The following TTLL11 variants were observed in gnomAD, a reference collection of about 807,000 sequenced individuals.
The protein encoded by TTLL11 is tubulin polyglutamylase TTLL11.
Under a neutral mutation model 51.7 loss-of-function variants are expected in TTLL11, and 42 were observed. That is an observed-to-expected ratio of 0.81 (90% CI 0.64 to 1.05). The LOEUF (loss-of-function observed/expected upper bound fraction) is 1.05. Ranked by LOEUF, TTLL11 falls within the 50% of genes least tolerant of loss-of-function variation. The probability of loss-of-function intolerance (pLI) is 0.00; values close to 1 mark genes in which losing one functional copy is unlikely to be tolerated. For missense variants in TTLL11, 799 were observed against 940.4 expected (o/e 0.85, Z 1.97); for synonymous variants, 381 against 383.5 (o/e 0.99, Z 0.08).
At chr9:121,866,313 G>C (rs1481834206) in intron 7 of TTLL11, among the ~76,000 whole-genome samples, 1 of 152,174 alleles carries the variant, frequency 6.6e-6, no homozygotes, top group Non-Finnish European at 1.5e-5. Context: ...TAAAGGCAGA[G>C]AATATCATCT....
intron 3 of TTLL11, among the ~76,000 whole-genome samples, chr9:122,015,286 T>C (rs971840975): frequency 2.6e-5 from 4 of 152,078 alleles, no homozygotes; most frequent in Non-Finnish European, 5.9e-5. Context: ...AGTTAACACA[T>C]TGAACTGTTA....
intron 1 of TTLL11, among the ~76,000 whole-genome samples, chr9:122,041,446 T>A (rs76617576): frequency 0.04 from 6,030 of 152,244 alleles, 390 homozygotes; most frequent in African/African-American, 0.14. Context: ...AAGAGAAAGA[T>A]ATAGAAGGTG....
At chr9:121,903,028 C>G (rs539649219) in intron 6 of TTLL11, among the ~76,000 whole-genome samples, 28 of 152,118 alleles carry the variant, frequency 1.8e-4, no homozygotes, top group Non-Finnish European at 3.5e-4. Context: ...ACTACTGTAA[C>G]CACATTTCCT....
At chr9:121,884,018 A>G (rs1333403535) in intron 6 of TTLL11, among the ~76,000 whole-genome samples, 1 of 152,214 alleles carries the variant, frequency 6.6e-6, no homozygotes, top group Non-Finnish European at 1.5e-5. Context: ...TTTAGTGAGC[A>G]CGAAGTGGAA....
At chr9:121,881,973 T>C (rs1401742845) in intron 6 of TTLL11, among the ~76,000 whole-genome samples, 1 of 152,238 alleles carries the variant, frequency 6.6e-6, no homozygotes. Context: ...TCTCTTATCC[T>C]GCTCATGCCT....
chr9:121,988,572 T>C (rs1414074725), intron 4 of TTLL11, among the ~76,000 whole-genome samples: 1 of 152,152 alleles, frequency 6.6e-6, no homozygotes, highest in East Asian at 1.9e-4. Flanking sequence ...TTTCTCCTGC[T>C]TCATCTAACT....
intron 3 of TTLL11, among the ~76,000 whole-genome samples, chr9:121,998,590 C>CT (rs568173749): frequency 1.8e-3 from 264 of 145,380 alleles, no homozygotes; most frequent in Middle Eastern, 0.014. Context: ...CCAGCCTAAA[C>CT]TTTTTTTTTT....
At chr9:121,861,701 A>C (rs1838018809) in intron 7 of TTLL11, among the ~76,000 whole-genome samples, 2 of 152,192 alleles carry the variant, frequency 1.3e-5, no homozygotes, top group East Asian at 3.9e-4. Flanking sequence ...TGTCATGCTC[A>C]GATGACCCAA....
At chr9:121,859,573 C>T (rs960309296) in intron 8 of TTLL11, among the ~76,000 whole-genome samples, 1 of 152,152 alleles carries the variant, frequency 6.6e-6, no homozygotes, top group Non-Finnish European at 1.5e-5. Context: ...GGAAACTCAT[C>T]CACCTAAAGG....
intron 6 of TTLL11, among the ~76,000 whole-genome samples, chr9:121,880,812 C>G (rs917861368): frequency 1.3e-5 from 2 of 152,204 alleles, no homozygotes; most frequent in African/African-American, 4.8e-5. Context: ...GTCACAGTTA[C>G]TAACGTGAGT....
intron 6 of TTLL11, among the ~76,000 whole-genome samples, chr9:121,958,763 T>C (rs1317081702): frequency 6.6e-6 from 1 of 152,164 alleles, no homozygotes; most frequent in African/African-American, 2.4e-5. Context: ...CCTTGCGTGG[T>C]TGGGCAAATA....
intron 1 of TTLL11, among the ~76,000 whole-genome samples, chr9:122,059,651 CA>C (rs1368847644): frequency 6.6e-6 from 1 of 152,120 alleles, no homozygotes; most frequent in Non-Finnish European, 1.5e-5. Flanking sequence ...TATTGCTGCA[CA>C]AAAAAATTAA....
intron 3 of TTLL11, among the ~76,000 whole-genome samples, chr9:122,029,139 G>A (rs1451162966): frequency 1.3e-5 from 2 of 152,150 alleles, no homozygotes; most frequent in African/African-American, 4.8e-5. Flanking sequence ...ACTGCCAGTT[G>A]TATAAAAGTG....
chr9:121,868,631 G>A (rs1838251011), intron 7 of TTLL11, among the ~76,000 whole-genome samples: 1 of 152,174 alleles, frequency 6.6e-6, no homozygotes, highest in African/African-American at 2.4e-5. Context: ...AAGACAGAAA[G>A]TGGAACATGG....
intron 3 of TTLL11, among the ~76,000 whole-genome samples, chr9:121,997,797 G>GCCTAT (rs1381381007): frequency 6.6e-6 from 1 of 152,166 alleles, no homozygotes; most frequent in Non-Finnish European, 1.5e-5. Context: ...CTCAGCTCCT[G>GCCTAT]CCTATCCTAT....
intron 8 of TTLL11, among the ~76,000 whole-genome samples, chr9:121,848,323 A>C (rs951960950): frequency 2.6e-5 from 4 of 152,212 alleles, no homozygotes; most frequent in Non-Finnish European, 5.9e-5. Context: ...GAAATAAATT[A>C]GACGCTTGCC....
At chr9:121,924,762 C>CTTT (rs762402616) in intron 6 of TTLL11, among the ~76,000 whole-genome samples, 4 of 139,394 alleles carry the variant, frequency 2.9e-5, no homozygotes, top group African/African-American at 1.0e-4. Flanking sequence ...ATAACAAGCA[C>CTTT]TTTTTTTTTT....
In TTLL11 at chr9:121,817,003, C is replaced by T. The variant is rs912542416; in HGVS notation, c.*5584G>A. On this transcript the variant is annotated 3_prime_UTR_variant, in exon 9 of 9. Coordinates refer to ENST00000321582, the MANE Select transcript of TTLL11 (RefSeq NM_001139442.2). ...TACACACGGTGGTGAATGATCCCTC[C>T]GTGCGAGGAGGACAGCGCTCTCAGC... 1.3e-5 allele frequency: 2 copies of T among 152,198 alleles called. No homozygotes were observed. The highest frequency in any genetic ancestry group is 1.5e-5 in the Non-Finnish European group (1 of 68,052). The allele number at this position is 152,198 out of a possible 1,614,324, so 9.4% of individuals were successfully genotyped here.
intron 3 of TTLL11, among the ~76,000 whole-genome samples, chr9:122,027,712 C>T (rs1172307332): frequency 6.6e-6 from 1 of 152,042 alleles, no homozygotes; most frequent in Non-Finnish European, 1.5e-5. Flanking sequence ...CAAATGAAAG[C>T]TGAGGGAATT....
Sources: allele counts gnomAD v4.1 joint callset (sites outside exome capture counted in the v4.1 genomes callset), GRCh38; gene constraint gnomAD v4.1.1; transcripts MANE v1.5; gene names NCBI Gene and HGNC (gene_info 2026-07-23, HGNC 2026-07-21).